The following SLC2A13 variants were observed in gnomAD, a reference collection of about 807,000 sequenced individuals.
The protein encoded by SLC2A13 is solute carrier family 2 member 13.
SLC2A13 carries 32 observed loss-of-function variants against 64.4 expected under a neutral mutation model. That is an observed-to-expected ratio of 0.50 (90% CI 0.37 to 0.67). SLC2A13 has a LOEUF of 0.67. Ranked by LOEUF, SLC2A13 falls within the 30% of genes least tolerant of loss-of-function variation. The probability of loss-of-function intolerance (pLI) is 0.00; values close to 1 mark genes in which losing one functional copy is unlikely to be tolerated. For missense variants in SLC2A13, 743 were observed against 829.2 expected (o/e 0.90, Z 1.28); for synonymous variants, 338 against 327.1 (o/e 1.03, Z -0.36).
chr12:40,075,198 A>G (rs1592061238), intron 1 of SLC2A13, among the ~76,000 whole-genome samples: 1 of 152,328 alleles, frequency 6.6e-6, no homozygotes, highest in Middle Eastern at 3.4e-3. Flanking sequence ...GAAATTCATA[A>G]GAGTGGAAGA....
At chr12:39,777,981 C>A (rs1310081955) in intron 7 of SLC2A13, among the ~76,000 whole-genome samples, 1 of 152,158 alleles carries the variant, frequency 6.6e-6, no homozygotes, top group Non-Finnish European at 1.5e-5. Context: ...GATGGCTAAA[C>A]TAAAAGAGCA....
At chr12:40,059,860 T>C (rs762602809) in intron 1 of SLC2A13, among the ~76,000 whole-genome samples, 1 of 152,114 alleles carries the variant, frequency 6.6e-6, no homozygotes, top group Non-Finnish European at 1.5e-5. Context: ...ATAGGGAGGA[T>C]GCTCTCTGGA....
At chr12:39,896,372 A>G (rs1368640559) in intron 4 of SLC2A13, among the ~76,000 whole-genome samples, 3 of 138,328 alleles carry the variant, frequency 2.2e-5, no homozygotes, top group African/African-American at 5.4e-5. Context: ...ATATATGTAT[A>G]CATATATGTA....
At position 40,023,655 on chromosome 12, in the gene SLC2A13, T is replaced by C. The variant is rs181977239; in HGVS notation, c.925+4646A>G. ...GAACTAAAGCTCCTAACAAAGACTC[T>C]ATGCCTTCTATATGCCCAGTAATCC... On this transcript the variant is annotated intron_variant, in intron 3 of 9. Transcript: ENST00000280871. 9.2e-5 allele frequency among the ~76,000 whole-genome samples: 14 copies of C among 152,364 alleles called. No individual in the cohort carries two copies. In the East Asian group the frequency reaches 2.7e-3, roughly 29 times the overall value.
At chr12:39,879,202 C>A (rs1944276183) in intron 4 of SLC2A13, among the ~76,000 whole-genome samples, 1 of 152,248 alleles carries the variant, frequency 6.6e-6, no homozygotes, top group Non-Finnish European at 1.5e-5. Context: ...CAGAAGCCTG[C>A]TGCAGGGGCA....
chr12:39,939,301 A>G (rs777230764), intron 4 of SLC2A13, among the ~76,000 whole-genome samples: 3 of 152,172 alleles, frequency 2.0e-5, no homozygotes, highest in Non-Finnish European at 4.4e-5. Context: ...TACACAGGGA[A>G]ATGGAAAATG....
chr12:39,889,488 A>G (rs1944547667), intron 4 of SLC2A13, among the ~76,000 whole-genome samples: 1 of 151,850 alleles, frequency 6.6e-6, no homozygotes, highest in Non-Finnish European at 1.5e-5. Flanking sequence ...TATACAGAGA[A>G]AGTGAGTAGA....
chr12:40,046,649 G>A (rs1948175699), intron 2 of SLC2A13, among the ~76,000 whole-genome samples: 2 of 149,612 alleles, frequency 1.3e-5, no homozygotes, highest in Non-Finnish European at 1.5e-5. Flanking sequence ...AAAAAAAAAA[G>A]AAGAAAGAAA....
intron 3 of SLC2A13, among the ~76,000 whole-genome samples, chr12:39,988,687 GAGGGAGGAAGGAAGGAAGGAAGGA>G (rs1288404132): frequency 6.9e-5 from 7 of 100,734 alleles, no homozygotes; most frequent in Admixed American, 3.6e-4. Flanking sequence ...AGAAGGGAGG[GAGGGAGGAAGGAAGGAAGGAAGGA>G]AGGAAGGAAG....
At position 40,021,907 on chromosome 12, in the gene SLC2A13, A is replaced by T. The variant is rs556221353; in HGVS notation, c.925+6394T>A. Among the ~76,000 whole-genome samples the T allele has an allele frequency of 4.7e-4, 72 of 152,310 alleles. 1 individual carries two copies. The highest frequency in any genetic ancestry group is 1.7e-3 in the African/African-American group (70 of 41,586). ...AAGAATTTCTATCAAAATACGATAA[A>T]TATTTACCCCCTCTGACCTCTCTGC... On this transcript the variant is annotated intron_variant, in intron 3 of 9. Transcript: ENST00000280871.
intron 1 of SLC2A13, among the ~76,000 whole-genome samples, chr12:40,095,136 A>G (rs564156682): frequency 1.3e-5 from 2 of 152,336 alleles, no homozygotes; most frequent in East Asian, 1.9e-4. Context: ...AATCTGGGGG[A>G]AAAAATACAC....
chr12:39,923,694 G>GCA (rs200530373), intron 4 of SLC2A13, among the ~76,000 whole-genome samples: 7,731 of 137,260 alleles, frequency 0.056, 255 homozygotes, highest in East Asian at 0.068. Context: ...ATATGCGCAC[G>GCA]CGCACACACA....
intron 5 of SLC2A13, among the ~76,000 whole-genome samples, chr12:39,870,426 C>A (rs1944016472): frequency 1.3e-5 from 2 of 152,098 alleles, no homozygotes; most frequent in African/African-American, 4.8e-5. Flanking sequence ...ATGATTCAGT[C>A]CATTTCATTG....
chr12:39,783,255 T>G (rs1477827280), intron 7 of SLC2A13, among the ~76,000 whole-genome samples: 1 of 152,252 alleles, frequency 6.6e-6, no homozygotes, highest in Non-Finnish European at 1.5e-5. Flanking sequence ...CACATTTTCT[T>G]AATTCACTCT....
At chr12:39,855,387 T>C (rs188135091) in intron 6 of SLC2A13, among the ~76,000 whole-genome samples, 2 of 152,322 alleles carry the variant, frequency 1.3e-5, no homozygotes, top group East Asian at 3.9e-4. Context: ...AAGAACACTA[T>C]AAAAGGATCC....
intron 4 of SLC2A13, among the ~76,000 whole-genome samples, chr12:39,896,525 T>C (rs1166917121): frequency 3.4e-5 from 5 of 147,868 alleles, no homozygotes; most frequent in Admixed American, 1.4e-4. Flanking sequence ...TGTATACATG[T>C]ATACATGTAT....
At chr12:39,939,572 G>C (rs1277604537) in intron 4 of SLC2A13, among the ~76,000 whole-genome samples, 1 of 152,180 alleles carries the variant, frequency 6.6e-6, no homozygotes, top group African/African-American at 2.4e-5. Flanking sequence ...TGATAAGTCT[G>C]CTACACAATC....
intron 3 of SLC2A13, among the ~76,000 whole-genome samples, chr12:39,964,675 G>A (rs1006759672): frequency 2.0e-5 from 3 of 152,294 alleles, no homozygotes; most frequent in Admixed American, 6.5e-5. Context: ...AAGAGGGTTG[G>A]TGCACAGGGT....
chr12:39,928,985 CACACATGGGGAGGAG>C (rs1945776410), intron 4 of SLC2A13, among the ~76,000 whole-genome samples: 1 of 152,144 alleles, frequency 6.6e-6, no homozygotes, highest in Non-Finnish European at 1.5e-5. Context: ...TTGCCCTCCC[CACACATGGGGAGGAG>C]ACAGAGGTGT....
Sources: allele counts gnomAD v4.1 joint callset (sites outside exome capture counted in the v4.1 genomes callset), GRCh38; gene constraint gnomAD v4.1.1; transcripts MANE v1.5; gene names NCBI Gene and HGNC (gene_info 2026-07-23, HGNC 2026-07-21).